Variants in ARHGAP24 observed in about 807,000 individuals in gnomAD.
ARHGAP24 encodes Rho GTPase activating protein 24.
Under a neutral mutation model 76.4 loss-of-function variants are expected in ARHGAP24, and 50 were observed. The observed-to-expected ratio is 0.65, with a 90% CI of 0.52 to 0.83. The LOEUF (loss-of-function observed/expected upper bound fraction) is 0.83. Ranked by LOEUF, ARHGAP24 falls within the 40% of genes least tolerant of loss-of-function variation. The probability of loss-of-function intolerance (pLI) is 0.00; values close to 1 mark genes in which losing one functional copy is unlikely to be tolerated. For missense variants in ARHGAP24, 930 were observed against 914.2 expected (o/e 1.02, Z -0.22); for synonymous variants, 345 against 323.3 (o/e 1.07, Z -0.72).
intron 3 of ARHGAP24, among the ~76,000 whole-genome samples, chr4:85,753,383 A>G (rs1306122394): frequency 6.6e-6 from 1 of 152,200 alleles, no homozygotes; most frequent in Non-Finnish European, 1.5e-5. Context: ...ACATATATTT[A>G]TAATTTTCAG....
In ARHGAP24 at chr4:85,930,443, C is replaced by T. The variant is rs2280036; in HGVS notation, c.391+6673C>T. The stretch of plus-strand genomic sequence containing the variant: ...CCCCTCTTGCTCAGATGAAAGGAGC[C>T]AGCAAGGACAGTCCTGAAATATTCC... On this transcript the variant is annotated intron_variant, in intron 4 of 9. Coordinates refer to ENST00000395184, the MANE Select transcript of ARHGAP24 (RefSeq NM_001025616.3). 0.11 allele frequency: 111,639 copies of T among 986,460 alleles called. 7,016 individuals carry two copies. Among genetic ancestry groups the T allele is most frequent in the South Asian group, 0.25 (5,391 of 21,318 alleles). 61.1% of individuals were successfully genotyped at this position (986,460 alleles called of 1,614,324 possible).
Position 85,536,431 on chromosome 4 carries a change from G to A in ARHGAP24, c.-20-34091G>A, listed in dbSNP as rs1357287043. Among the ~76,000 whole-genome samples, 4 of 152,040 alleles carry A rather than the reference G, an allele frequency of 2.6e-5. No individual in the cohort carries two copies. In the East Asian group the frequency reaches 7.7e-4, roughly 29 times the overall value. On this transcript the variant is annotated intron_variant, in intron 1 of 9. Coordinates refer to ENST00000395184, the MANE Select transcript of ARHGAP24 (RefSeq NM_001025616.3). ...CTTTTCAGATGACTATTGGAATAGT[G>A]AGTAATATATACTATTTTTACTGTC... is the stretch of plus-strand genomic sequence containing the variant.
chr4:85,568,346 T>G (rs1006955494), intron 1 of ARHGAP24, among the ~76,000 whole-genome samples: 1 of 151,994 alleles, frequency 6.6e-6, no homozygotes, highest in Non-Finnish European at 1.5e-5. Context: ...GGTGGAATGT[T>G]TGTTTTAAGG....
At chr4:85,656,797 A>T (rs1281936065) in intron 2 of ARHGAP24, among the ~76,000 whole-genome samples, 1 of 59,244 alleles carries the variant, frequency 1.7e-5, no homozygotes, top group Non-Finnish European at 2.9e-5. Flanking sequence ...ATCAGCTTTA[A>T]AAAAAAAATA....
chr4:85,508,797 C>A (rs112116369), intron 1 of ARHGAP24, among the ~76,000 whole-genome samples: 1 of 152,046 alleles, frequency 6.6e-6, no homozygotes, highest in East Asian at 1.9e-4. Context: ...CCAAACTGGC[C>A]GGGTCAGCCT....
intron 4 of ARHGAP24, among the ~76,000 whole-genome samples, chr4:85,932,625 C>T (rs1247374388): frequency 6.6e-6 from 1 of 152,162 alleles, no homozygotes; most frequent in Non-Finnish European, 1.5e-5. Flanking sequence ...TTCCATCTAT[C>T]CTCTCCCGGG....
intron 2 of ARHGAP24, among the ~76,000 whole-genome samples, chr4:85,709,358 CAT>C (rs1373760445): frequency 6.6e-6 from 1 of 151,972 alleles, no homozygotes; most frequent in East Asian, 1.9e-4. Context: ...GATAAAATAT[CAT>C]ATGATTATCT....
At chr4:85,903,448 G>C (rs1345108982) in intron 3 of ARHGAP24, among the ~76,000 whole-genome samples, 1 of 151,912 alleles carries the variant, frequency 6.6e-6, no homozygotes, top group East Asian at 1.9e-4. Context: ...GTTATATTTT[G>C]ATATGTTTTT....
intron 2 of ARHGAP24, among the ~76,000 whole-genome samples, chr4:85,717,305 A>G (rs143244884): frequency 1.5e-4 from 23 of 152,200 alleles, no homozygotes; most frequent in African/African-American, 5.5e-4. Context: ...AATATATAAT[A>G]ATGCATCTGT....
chr4:85,602,018 A>G (rs771521844), intron 2 of ARHGAP24, among the ~76,000 whole-genome samples: 8 of 129,002 alleles, frequency 6.2e-5, no homozygotes, highest in Non-Finnish European at 1.3e-4. Flanking sequence ...GAGAGCAGAG[A>G]TTAGTGAACA....
intron 3 of ARHGAP24, among the ~76,000 whole-genome samples, chr4:85,825,569 G>A (rs1467296682): frequency 2.0e-5 from 3 of 152,146 alleles, no homozygotes; most frequent in Admixed American, 1.3e-4. Flanking sequence ...ACAAAAACCA[G>A]AGTAATAGTC....
At chr4:85,899,171 T>C (rs1372973535) in intron 3 of ARHGAP24, among the ~76,000 whole-genome samples, 1 of 152,230 alleles carries the variant, frequency 6.6e-6, no homozygotes, top group Admixed American at 6.5e-5. Flanking sequence ...AGGTAAAAAC[T>C]ATTTTAGTTT....
intron 3 of ARHGAP24, among the ~76,000 whole-genome samples, chr4:85,762,158 A>G (rs774519251): frequency 6.6e-5 from 10 of 152,222 alleles, no homozygotes; most frequent in Non-Finnish European, 1.3e-4. Flanking sequence ...TGAATAGAGA[A>G]CATTATTTAA....
Position 85,950,410 on chromosome 4 carries a change from G to A in ARHGAP24, c.599+8137G>A, listed in dbSNP as rs146434190. On this transcript the variant is annotated intron_variant, in intron 5 of 9. Transcript: ENST00000395184. ...AGCAACTCAGGAGGCTGAGGCAGGA[G>A]GATCACTTGAGCCCAGGAGTTTGAG... Among the ~76,000 whole-genome samples, 920 of 152,200 alleles carry A rather than the reference G, an allele frequency of 6.0e-3. 7 individuals carry two copies. Among genetic ancestry groups the A allele is most frequent in the African/African-American group, 0.02 (824 of 41,532 alleles).
chr4:85,675,086 G>T (rs1451730359), intron 2 of ARHGAP24, among the ~76,000 whole-genome samples: 1 of 152,148 alleles, frequency 6.6e-6, no homozygotes, highest in African/African-American at 2.4e-5. Flanking sequence ...GACACCTCTG[G>T]TGAGGAAAAA....
At chr4:85,938,376 C>G (rs886990330) in intron 4 of ARHGAP24, among the ~76,000 whole-genome samples, 3 of 152,270 alleles carry the variant, frequency 2.0e-5, no homozygotes, top group East Asian at 3.9e-4. Flanking sequence ...TGTGTCTTTT[C>G]TTCATGCTGC....
At chr4:85,643,273 A>T (rs1212430005) in intron 2 of ARHGAP24, among the ~76,000 whole-genome samples, 1 of 44,086 alleles carries the variant, frequency 2.3e-5, no homozygotes, top group Non-Finnish European at 3.9e-5. Flanking sequence ...TTTTTTTGAG[A>T]CGGAGTCTCG....
rs370259837 is a variant in ARHGAP24, at chr4:85,996,576, G to A, written c.2003+919G>A. Reference sequence around the variant, plus strand: ...ATCAATTATCAGACAAAAAGATAACGTACTTTCAGAAGCTATGGCAAAATA... The same window carrying A: ...ATCAATTATCAGACAAAAAGATAACATACTTTCAGAAGCTATGGCAAAATA... On this transcript the variant is annotated intron_variant, in intron 9 of 9. Coordinates refer to ENST00000395184, the MANE Select transcript of ARHGAP24 (RefSeq NM_001025616.3). Among the ~76,000 whole-genome samples the A allele has an allele frequency of 3.7e-4, 57 of 152,164 alleles. No individual in the cohort carries two copies. The East Asian group carries it at 7.7e-3, about 21-fold the overall frequency.
intron 1 of ARHGAP24, among the ~76,000 whole-genome samples, chr4:85,518,691 T>C (rs1416579014): frequency 3.3e-5 from 5 of 152,200 alleles, no homozygotes; most frequent in Non-Finnish European, 5.9e-5. Flanking sequence ...GCAAATGCTG[T>C]TAATTCATTA....
Sources: allele counts gnomAD v4.1 joint callset (sites outside exome capture counted in the v4.1 genomes callset), GRCh38; gene constraint gnomAD v4.1.1; transcripts MANE v1.5; gene names NCBI Gene and HGNC (gene_info 2026-07-23, HGNC 2026-07-21).